Variants in ISM2 observed in about 807,000 individuals in gnomAD.
ISM2 encodes isthmin-2.
A neutral mutation model predicts 58.0 loss-of-function variants in ISM2; 50 were observed. That is an observed-to-expected ratio of 0.86 (90% CI 0.69 to 1.09). The LOEUF (loss-of-function observed/expected upper bound fraction) is 1.09, where lower values mean the gene tolerates loss of function less well. Ranked by LOEUF, ISM2 falls within the 50% of genes least tolerant of loss-of-function variation. The pLI is 0.00. For missense variants in ISM2, 723 were observed against 745.0 expected (o/e 0.97, Z 0.34); for synonymous variants, 303 against 312.4 (o/e 0.97, Z 0.32).
Position 77,475,972 on chromosome 14 carries a change from C to A in ISM2, c.1339G>T (p.Glu447Ter). The change falls in exon 7 of 7, where the codon GAG becomes TAG. Residue 447 changes from glutamate to a stop codon, truncating the protein, a stop_gained. Coordinates refer to ENST00000342219, the MANE Select transcript of ISM2 (RefSeq NM_199296.3). LOFTEE classifies it high-confidence loss of function. This position sits in a 1 kb window ranked among gnomAD's most constrained non-coding sequence, Gnocchi z 4.1. ...CACCGGAAGCTGCGGCCCTGGTGCT[C>A]GTCCTGTAGGCTCACAGGGCTGTCC... ...AMDSPVSLQD[E>*]HQGRSFRWRD... is the part of the protein sequence containing the mutation. 6.3e-7 allele frequency: 1 copy of A among 1,596,506 alleles called. No individual in the cohort carries two copies. The highest frequency in any genetic ancestry group is 1.3e-5 in the African/African-American group (1 of 75,034).
At chr14:77,476,272 C>T (rs1372335268) in intron 6 of ISM2, among the ~76,000 whole-genome samples, 160 bp from the exon 7 acceptor site, 2 of 152,200 alleles carry the variant, frequency 1.3e-5, no homozygotes, top group East Asian at 3.9e-4. Context: ...GAGAGGCTAC[C>T]CCACACCATC....
chr14:77,478,163 C>G (rs1007204139), intron 6 of ISM2, 79 bp downstream of exon 6: 1 of 1,191,406 alleles, frequency 8.4e-7, no homozygotes, highest in Non-Finnish European at 1.2e-6. Context: ...AGCCAGGTTC[C>G]TGCCATGGAA....
chr14:77,483,671 T>G (rs1006435048), intron 3 of ISM2, among the ~76,000 whole-genome samples: 3 of 152,142 alleles, frequency 2.0e-5, no homozygotes, highest in Non-Finnish European at 4.4e-5. Flanking sequence ...TGTGTGTGTG[T>G]GTGTAGGTAA....
chr14:77,475,774 T>C lies in ISM2; in HGVS notation c.1537A>G (p.Ile513Val). ...AGCTTAGGTGAGAAGTCGGTGCTGATGAGGTTGGGCATGCCGGCGCCCTTG... is the reference window on the plus strand; with the variant it reads ...AGCTTAGGTGAGAAGTCGGTGCTGACGAGGTTGGGCATGCCGGCGCCCTTG... ...RGKGAGMPNL[I>V]STDFSPKLHF... The change falls in exon 7 of 7, where the codon ATC (isoleucine) becomes GTC (valine). Residue 513 changes from isoleucine to valine, a missense_variant. Coordinates refer to ENST00000342219, the MANE Select transcript of ISM2 (RefSeq NM_199296.3). This position sits in a 1 kb window ranked among gnomAD's most constrained non-coding sequence, Gnocchi z 4.1. 1 of 1,613,520 alleles carries C rather than the reference T, an allele frequency of 6.2e-7. No homozygotes were observed.
In ISM2 at chr14:77,475,522, G is replaced by GAGGGCCCTACC. The variant is rs6145396; in HGVS notation, c.*72_*73insGGTAGGGCCCT. 0.87 allele frequency: 1,274,556 copies of GAGGGCCCTACC among 1,459,806 alleles called. 559,192 individuals carry two copies. Among genetic ancestry groups the GAGGGCCCTACC allele is most frequent in the East Asian group, 0.99 (42,237 of 42,736 alleles). The allele number at this position is 1,459,806 out of a possible 1,614,324, so 90.4% of individuals were successfully genotyped here. On this transcript the variant is annotated 3_prime_UTR_variant, in exon 7 of 7. Transcript: ENST00000342219. This position sits in a 1 kb window ranked among gnomAD's most constrained non-coding sequence, Gnocchi z 4.1. Reference sequence around the variant, plus strand: ...TCACCCTGTCTGGGCAGGGGCGGGTGAGGAAAGTTCTCCCGTGCAACAGCA... The same window carrying GAGGGCCCTACC: ...TCACCCTGTCTGGGCAGGGGCGGGTGAGGGCCCTACCAGGAAAGTTCTCCCGTGCAACAGCA...
At chr14:77,479,644 G>A (rs571954353) in intron 4 of ISM2, among the ~76,000 whole-genome samples, 1 of 152,102 alleles carries the variant, frequency 6.6e-6, no homozygotes, top group South Asian at 2.1e-4. Context: ...GGCCTCCCAA[G>A]GTGCTGGGAT....
chr14:77,487,634 C>A (rs935926012), intron 1 of ISM2, among the ~76,000 whole-genome samples: 1 of 152,172 alleles, frequency 6.6e-6, no homozygotes, highest in Non-Finnish European at 1.5e-5. Context: ...TCAGCCCTTG[C>A]GGAACTCCTG....
At chr14:77,491,975 C>T (rs373724050) in intron 1 of ISM2, among the ~76,000 whole-genome samples, 7 of 151,376 alleles carry the variant, frequency 4.6e-5, no homozygotes, top group African/African-American at 9.7e-5. Flanking sequence ...GGATTACAGG[C>T]GTGAGCCACC....
chr14:77,489,179 C>A (rs1256532358), intron 1 of ISM2, among the ~76,000 whole-genome samples: 1 of 152,176 alleles, frequency 6.6e-6, no homozygotes, highest in Non-Finnish European at 1.5e-5. Flanking sequence ...TGTTTCAGCC[C>A]CTTCACAGTT....
intron 1 of ISM2, among the ~76,000 whole-genome samples, chr14:77,487,836 C>T (rs557820408): frequency 2.0e-5 from 3 of 152,264 alleles, no homozygotes; most frequent in African/African-American, 4.8e-5. Context: ...CCATGATGGG[C>T]ACCTGCAGCC....
At chr14:77,491,943 G>A (rs1424300432) in intron 1 of ISM2, among the ~76,000 whole-genome samples, 4 of 151,682 alleles carry the variant, frequency 2.6e-5, no homozygotes, top group Admixed American at 2.6e-4. Flanking sequence ...GGATCCGCCT[G>A]CCTCAGCCTC....
At position 77,475,518 on chromosome 14, in the gene ISM2, G is replaced by A. The variant is rs2079090671; in HGVS notation, c.*77C>T. ...TTCCTCACCCTGTCTGGGCAGGGGC[G>A]GGTGAGGAAAGTTCTCCCGTGCAAC... On this transcript the variant is annotated 3_prime_UTR_variant, in exon 7 of 7. Coordinates refer to ENST00000342219, the MANE Select transcript of ISM2 (RefSeq NM_199296.3). The surrounding 1 kb of genome is among the most constrained non-coding windows in gnomAD (Gnocchi z 4.1). 6 of 155,130 alleles carry A rather than the reference G, an allele frequency of 3.9e-5. No homozygotes were observed. The highest frequency in any genetic ancestry group is 2.3e-4 in the East Asian group (1 of 4,372). The allele number at this position is 155,130 out of a possible 1,614,324, so 9.6% of individuals were successfully genotyped here.
intron 1 of ISM2, among the ~76,000 whole-genome samples, chr14:77,491,813 A>G (rs1406831264): frequency 1.4e-5 from 2 of 147,542 alleles, no homozygotes; most frequent in East Asian, 4.0e-4. Context: ...CTCATGCCTC[A>G]GCCTCCCGAG....
intron 1 of ISM2, among the ~76,000 whole-genome samples, chr14:77,489,949 A>T (rs12880417): frequency 2.6e-5 from 4 of 152,042 alleles, no homozygotes; most frequent in Non-Finnish European, 4.4e-5. Flanking sequence ...CTGCAAGCTA[A>T]GCCTCCCGGG....
At chr14:77,486,685 G>T (rs149355162) in intron 1 of ISM2, among the ~76,000 whole-genome samples, 128 of 152,308 alleles carry the variant, frequency 8.4e-4, no homozygotes, top group African/African-American at 2.9e-3. Flanking sequence ...GGTGTTCAGG[G>T]CTGTGCAGCC....
At chr14:77,486,159 C>T (rs541782318) in intron 1 of ISM2, among the ~76,000 whole-genome samples, 1 of 152,326 alleles carries the variant, frequency 6.6e-6, no homozygotes, top group African/African-American at 2.4e-5. Flanking sequence ...AGGATTTAAA[C>T]CAGGCAGTCT....
intron 4 of ISM2, among the ~76,000 whole-genome samples, chr14:77,481,587 T>A (rs569828172): frequency 6.6e-6 from 1 of 152,024 alleles, no homozygotes; most frequent in East Asian, 1.9e-4. Context: ...GCACAGAGAG[T>A]TGAAGAATCT....
intron 1 of ISM2, chr14:77,498,431 C>A: frequency 4.1e-6 from 5 of 1,220,946 alleles, no homozygotes; most frequent in Non-Finnish European, 1.1e-6. Flanking sequence ...TGGTCCGCGG[C>A]AGCCCGGCTC....
Position 77,478,090 on chromosome 14 carries a change from G to T in ISM2, c.1198+152C>A, listed in dbSNP as rs2079108714. The T allele has an allele frequency of 2.9e-5, 20 of 691,356 alleles. No individual in the cohort carries two copies. The South Asian group carries it at 3.3e-4, about 12-fold the overall frequency. 42.8% of individuals were successfully genotyped at this position (691,356 alleles called of 1,614,324 possible). The stretch of plus-strand genomic sequence containing the variant: ...CCAATGAGCTGGCTCAGAAATGCCA[G>T]GGCCCCCTGTTGGAGAAGCAAACCT... On this transcript the variant is annotated intron_variant, in intron 6 of 6. Coordinates refer to ENST00000342219, the MANE Select transcript of ISM2 (RefSeq NM_199296.3).
Sources: gnomAD v4.1 joint callset for allele counts (sites outside exome capture counted in the v4.1 genomes callset) on GRCh38, gnomAD v4.1.1 for gene constraint, Gnocchi (gnomAD v3.1) non-coding constraint, MANE v1.5 for transcripts, NCBI Gene and HGNC (gene_info 2026-07-23, HGNC 2026-07-21) for gene names.